CELF2: variants seen among roughly 807,000 people sequenced by gnomAD.
The protein encoded by CELF2 is CUGBP Elav-like family member 2.
A neutral mutation model predicts 62.6 loss-of-function variants in CELF2; 8 were observed. The observed-to-expected ratio is 0.13, with a 90% CI of 0.07 to 0.23. The LOEUF is 0.23. Ranked by LOEUF, CELF2 falls within the 10% of genes least tolerant of loss-of-function variation. The pLI, the probability that CELF2 is intolerant of heterozygous loss-of-function variation, is 1.00. For missense variants in CELF2, 333 were observed against 671.0 expected, an observed-to-expected ratio of 0.50 and a Z score of 5.56; for synonymous variants, 258 against 250.0, an observed-to-expected ratio of 1.03 and a Z score of -0.30.
chr10:11,016,529 TG>T (rs2057283446), upstream of CELF2, among the ~76,000 whole-genome samples: 1 of 152,236 alleles, frequency 6.6e-6, no homozygotes, highest in Non-Finnish European at 1.5e-5. This position sits in a 1 kb window ranked among gnomAD's most constrained non-coding sequence, Gnocchi z 5.2. Flanking sequence ...AAAATTGATA[TG>T]TAAGTGTCCA....
intron 1 of CELF2, among the ~76,000 whole-genome samples, chr10:11,055,356 C>A (rs1329423359): frequency 6.6e-6 from 1 of 152,194 alleles, no homozygotes; most frequent in South Asian, 2.1e-4. Context: ...ATCTGCATTT[C>A]ATGAACAGGA....
the CELF2 span, among the ~76,000 whole-genome samples, chr10:10,572,091 G>A: frequency 2.0e-5 from 3 of 152,134 alleles, no homozygotes; most frequent in Non-Finnish European, 4.4e-5. Flanking sequence ...CTAATTAATG[G>A]CAACACGTAT....
the CELF2 span, among the ~76,000 whole-genome samples, chr10:10,502,495 A>G: frequency 6.6e-6 from 1 of 152,098 alleles, no homozygotes; most frequent in South Asian, 2.1e-4. Context: ...GAATTGTGGT[A>G]GCTTTGTGTT....
At position 11,156,577 on chromosome 10, in the gene CELF2, G is replaced by A. The variant is rs2064449807; in HGVS notation, c.75-8909G>A. 6.6e-6 allele frequency among the ~76,000 whole-genome samples: 1 copy of A among 152,134 alleles called. No homozygotes were observed. The highest frequency in any genetic ancestry group is 1.5e-5 in the Non-Finnish European group (1 of 68,032). Reference sequence around the variant, plus strand: ...CCACTCTAGAATATAACTCCGTGAAGACTGTTTTACCCCCACTTTAGTCAT... The same window carrying A: ...CCACTCTAGAATATAACTCCGTGAAAACTGTTTTACCCCCACTTTAGTCAT... On this transcript the variant is annotated intron_variant, in intron 1 of 12. Coordinates refer to ENST00000633077, the MANE Select transcript of CELF2 (RefSeq NM_001326342.2). This position sits in a 1 kb window ranked among gnomAD's most constrained non-coding sequence, Gnocchi z 4.3.
At chr10:11,292,375 A>G (rs1044070285) in intron 9 of CELF2, among the ~76,000 whole-genome samples, 23 of 152,246 alleles carry the variant, frequency 1.5e-4, no homozygotes, top group Admixed American at 9.2e-4. Flanking sequence ...AAGCAGCTGA[A>G]TGAGCAGTGG....
At chr10:10,925,210 A>G (rs2065348231) in intron 2 of CELF2, 1 of 152,110 alleles carries the variant, frequency 6.6e-6, no homozygotes, top group Non-Finnish European at 1.5e-5. Context: ...TAAGAGATAA[A>G]TATGCTGGTA....
chr10:10,607,645 C>A, the CELF2 span, among the ~76,000 whole-genome samples: 1 of 152,152 alleles, frequency 6.6e-6, no homozygotes, highest in East Asian at 1.9e-4. Flanking sequence ...TGCAAGACTT[C>A]AGGAGAGAAA....
intron 1 of CELF2, among the ~76,000 whole-genome samples, chr10:11,036,858 A>T (rs1720059230): frequency 6.6e-6 from 1 of 152,022 alleles, no homozygotes; most frequent in Admixed American, 6.6e-5. Flanking sequence ...TGTATTTGGC[A>T]ATTTGTCTCC....
At chr10:10,501,511 T>C in the CELF2 span, among the ~76,000 whole-genome samples, 4 of 152,170 alleles carry the variant, frequency 2.6e-5, no homozygotes, top group African/African-American at 9.7e-5. Context: ...TGAATACATG[T>C]TTTTTATATG....
the CELF2 span, among the ~76,000 whole-genome samples, chr10:10,537,643 C>A: frequency 2.0e-5 from 3 of 152,042 alleles, no homozygotes; most frequent in Non-Finnish European, 2.9e-5. Flanking sequence ...TCAGGAGAAC[C>A]AGCCATCCTT....
chr10:10,809,572 A>C (rs1353969516), intron 1 of CELF2, among the ~76,000 whole-genome samples: 1 of 152,226 alleles, frequency 6.6e-6, no homozygotes, highest in Non-Finnish European at 1.5e-5. Context: ...ACCATACGAC[A>C]ATAAGTCAAA....
At chr10:11,232,144 C>CA (rs2068956679) in intron 3 of CELF2, among the ~76,000 whole-genome samples, 1 of 151,836 alleles carries the variant, frequency 6.6e-6, no homozygotes, top group Admixed American at 6.6e-5. Flanking sequence ...CCTCCCCTCT[C>CA]CCCCCACCCC....
chr10:11,069,408 A>G (rs2069107261), intron 1 of CELF2, among the ~76,000 whole-genome samples: 1 of 152,216 alleles, frequency 6.6e-6, no homozygotes, highest in Admixed American at 6.5e-5. Flanking sequence ...ATCCCAGATG[A>G]ATTTTCCTCA....
chr10:11,170,853 C>T (rs1377136824), intron 2 of CELF2, among the ~76,000 whole-genome samples: 13 of 152,250 alleles, frequency 8.5e-5, no homozygotes. Flanking sequence ...CAAATCATAG[C>T]ACTCTGAGAA....
At chr10:10,757,743 T>C in the CELF2 span, among the ~76,000 whole-genome samples, 146 of 152,214 alleles carry the variant, frequency 9.6e-4, no homozygotes, top group Non-Finnish European at 1.9e-3. Context: ...TAGTAAAGCA[T>C]TATGGCAAAA....
intron 1 of CELF2, among the ~76,000 whole-genome samples, chr10:11,027,346 A>G (rs918576673): frequency 2.6e-5 from 4 of 152,116 alleles, no homozygotes; most frequent in Non-Finnish European, 5.9e-5. Flanking sequence ...GCCAGCATCA[A>G]ATGGACGGTG....
At chr10:11,283,871 T>G (rs2089962736) in intron 8 of CELF2, among the ~76,000 whole-genome samples, 1 of 148,728 alleles carries the variant, frequency 6.7e-6, no homozygotes, top group Non-Finnish European at 1.5e-5. Context: ...GGTGGGTGGA[T>G]GATGGATGGA....
At chr10:10,864,116 C>T (rs933767756) in intron 1 of CELF2, among the ~76,000 whole-genome samples, 7 of 152,148 alleles carry the variant, frequency 4.6e-5, no homozygotes, top group Non-Finnish European at 1.0e-4. Context: ...TCAAAATGCA[C>T]TCAGTGAATG....
upstream of CELF2, among the ~76,000 whole-genome samples, chr10:11,014,110 C>A (rs1269252900): frequency 6.6e-6 from 1 of 152,154 alleles, no homozygotes; most frequent in Non-Finnish European, 1.5e-5. Context: ...TGTTTCTTTG[C>A]TGTTGCTGTT....
Sources: allele counts gnomAD v4.1 joint callset (sites outside exome capture counted in the v4.1 genomes callset), GRCh38; gene constraint gnomAD v4.1.1; non-coding constraint Gnocchi (gnomAD v3.1); transcripts MANE v1.5; gene names NCBI Gene and HGNC (gene_info 2026-07-23, HGNC 2026-07-21).